Variants in STXBP5L observed in about 807,000 individuals in gnomAD.
The protein encoded by STXBP5L is syntaxin binding protein 5L.
Under a neutral mutation model 144.5 loss-of-function variants are expected in STXBP5L, and 65 were observed. The observed-to-expected ratio is 0.45, with a 90% CI of 0.37 to 0.55. The LOEUF is 0.55. Among genes scored for constraint, STXBP5L ranks in the 20% least tolerant of loss-of-function variants. The pLI is 0.00. For synonymous variants in STXBP5L, 505 were observed against 469.6 expected (o/e 1.08, Z -0.97); for missense variants, 1,298 against 1,405.5 (o/e 0.92, Z 1.22).
intron 9 of STXBP5L, among the ~76,000 whole-genome samples, chr3:121,163,948 T>G (rs894172355): frequency 6.6e-6 from 1 of 152,162 alleles, no homozygotes; most frequent in Non-Finnish European, 1.5e-5. Context: ...AACAGGTTTA[T>G]TGGGGTATAG....
At chr3:121,411,582 A>G (rs1461046363) in intron 23 of STXBP5L, among the ~76,000 whole-genome samples, 1 of 152,130 alleles carries the variant, frequency 6.6e-6, no homozygotes, top group Non-Finnish European at 1.5e-5. Flanking sequence ...TATCTGCTAC[A>G]TTAGGATAAG....
intron 17 of STXBP5L, 38 bp from the exon 18 acceptor site, chr3:121,259,005 T>G: frequency 6.6e-7 from 1 of 1,514,084 alleles, no homozygotes; most frequent in Non-Finnish European, 8.9e-7. Flanking sequence ...CCATGTTTAT[T>G]TAAGCTGTAT....
chr3:120,993,660 A>T (rs1008682256), intron 3 of STXBP5L, among the ~76,000 whole-genome samples: 4 of 151,948 alleles, frequency 2.6e-5, no homozygotes, highest in Non-Finnish European at 5.9e-5. Flanking sequence ...ATTGGTCTAC[A>T]TGTCTGTTTT....
chr3:121,413,439 A>G (rs1386828475), intron 24 of STXBP5L, 116 bp downstream of exon 24: 6 of 861,198 alleles, frequency 7.0e-6, no homozygotes, highest in Non-Finnish European at 9.9e-6. Context: ...TTCCAATAAC[A>G]TGTTTTGAAT....
chr3:121,043,172 C>A (rs990803140), intron 4 of STXBP5L, among the ~76,000 whole-genome samples: 35 of 152,112 alleles, frequency 2.3e-4, no homozygotes, highest in African/African-American at 6.8e-4. Context: ...GTACCTCACA[C>A]AAAGCTGCTG....
intron 5 of STXBP5L, among the ~76,000 whole-genome samples, chr3:121,068,749 T>G (rs1254541202): frequency 1.3e-5 from 2 of 152,158 alleles, no homozygotes; most frequent in Non-Finnish European, 2.9e-5. Flanking sequence ...TTTATCAGCA[T>G]ATGTATTTAT....
chr3:120,975,248 A>T (rs1169688254), intron 3 of STXBP5L, among the ~76,000 whole-genome samples: 1 of 152,070 alleles, frequency 6.6e-6, no homozygotes, highest in Non-Finnish European at 1.5e-5. Context: ...CTCCTTGAAG[A>T]GGTCCTTCAC....
intron 19 of STXBP5L, among the ~76,000 whole-genome samples, chr3:121,295,545 A>G (rs1276052603): frequency 6.6e-6 from 1 of 152,186 alleles, no homozygotes; most frequent in African/African-American, 2.4e-5. Flanking sequence ...ATTTACAAAA[A>G]TCAACAAAAA....
chr3:121,044,817 G>T (rs1368462059), intron 4 of STXBP5L, among the ~76,000 whole-genome samples: 2 of 152,078 alleles, frequency 1.3e-5, no homozygotes, highest in African/African-American at 4.8e-5. Context: ...GTATTTGGTG[G>T]TGCTGTATAA....
intron 9 of STXBP5L, among the ~76,000 whole-genome samples, chr3:121,197,625 G>A (rs533996567): frequency 6.6e-6 from 1 of 152,110 alleles, no homozygotes; most frequent in African/African-American, 2.4e-5. Flanking sequence ...GCATGCATTA[G>A]GTATTTGTCT....
At chr3:120,971,113 G>C (rs1224713498) in intron 3 of STXBP5L, among the ~76,000 whole-genome samples, 2 of 152,088 alleles carry the variant, frequency 1.3e-5, no homozygotes, top group African/African-American at 4.8e-5. Flanking sequence ...GTAGGGGGGA[G>C]GTTCCAGATT....
intron 3 of STXBP5L, among the ~76,000 whole-genome samples, chr3:121,022,803 T>C (rs1278548755): frequency 1.3e-5 from 2 of 152,154 alleles, no homozygotes; most frequent in Non-Finnish European, 2.9e-5. Context: ...AACATTATAC[T>C]GAATGGGGAA....
chr3:121,036,982 A>G (rs1320404564), intron 3 of STXBP5L, among the ~76,000 whole-genome samples: 4 of 151,992 alleles, frequency 2.6e-5, no homozygotes, highest in Non-Finnish European at 5.9e-5. Flanking sequence ...GCTTGAGTTC[A>G]GTGGCATGGT....
intron 5 of STXBP5L, among the ~76,000 whole-genome samples, chr3:121,055,645 G>T (rs1948402779): frequency 6.6e-6 from 1 of 151,574 alleles, no homozygotes; most frequent in African/African-American, 2.4e-5. Context: ...TTAGTGCTGG[G>T]ACTATGGGCA....
Position 120,988,894 on chromosome 3 carries a change from C to G in STXBP5L, c.287+33857C>G, listed in dbSNP as rs535531925. Among the ~76,000 whole-genome samples, 6 of 152,156 alleles carry G rather than the reference C, an allele frequency of 3.9e-5. No individual in the cohort carries two copies. In the East Asian group the frequency reaches 7.7e-4, roughly 20 times the overall value. The stretch of plus-strand genomic sequence containing the variant: ...ATGTGTACACATTATTTAATTCCTA[C>G]TTACAAGTGAGAACATGTGATATTT... On this transcript the variant is annotated intron_variant, in intron 3 of 26. Coordinates refer to ENST00000471454, the MANE Select transcript of STXBP5L (RefSeq NM_001308330.2).
intron 9 of STXBP5L, among the ~76,000 whole-genome samples, chr3:121,187,258 G>A (rs1452390169): frequency 6.6e-6 from 1 of 152,034 alleles, no homozygotes; most frequent in Non-Finnish European, 1.5e-5. Context: ...GTAGGGACAT[G>A]GATGAAGCTG....
At chr3:120,987,526 G>C (rs1042102120) in intron 3 of STXBP5L, among the ~76,000 whole-genome samples, 4 of 151,476 alleles carry the variant, frequency 2.6e-5, no homozygotes, top group African/African-American at 9.7e-5. Context: ...GTCCTTTGTT[G>C]GATATATGGT....
chr3:121,294,459 T>A (rs920527263), intron 19 of STXBP5L, among the ~76,000 whole-genome samples: 3 of 152,210 alleles, frequency 2.0e-5, no homozygotes, highest in African/African-American at 7.2e-5. Flanking sequence ...TTATGTCTGT[T>A]GTATAAATGG....
chr3:121,367,129 T>G lies in STXBP5L; in HGVS notation c.2177-11587T>G, dbSNP rs78160289. 8.4e-3 allele frequency among the ~76,000 whole-genome samples: 1,280 copies of G among 152,290 alleles called. 17 individuals carry two copies. Among genetic ancestry groups the G allele is most frequent in the African/African-American group, 0.027 (1,143 of 41,582 alleles). On this transcript the variant is annotated intron_variant, in intron 20 of 26. Coordinates refer to ENST00000471454, the MANE Select transcript of STXBP5L (RefSeq NM_001308330.2). ...GAACTAATAATTCCTTTAAATATAT[T>G]TATCTCTTAAATTATGTAGAACCCA...
Sources: gnomAD v4.1 joint callset for allele counts (sites outside exome capture counted in the v4.1 genomes callset) on GRCh38, gnomAD v4.1.1 for gene constraint, MANE v1.5 for transcripts, NCBI Gene and HGNC (gene_info 2026-07-23, HGNC 2026-07-21) for gene names.